THRB: variants seen among roughly 807,000 people sequenced by gnomAD.
THRB encodes the protein thyroid hormone receptor beta.
A neutral mutation model predicts 47.8 loss-of-function variants in THRB; 12 were observed. The observed-to-expected ratio is 0.25, with a 90% CI of 0.16 to 0.41. The LOEUF (loss-of-function observed/expected upper bound fraction) is 0.41. THRB is among the 10% of genes least tolerant of loss of function. The pLI is 1.00. For synonymous variants in THRB, 218 were observed against 212.2 expected (o/e 1.03, Z -0.24); for missense variants, 348 against 589.2 (o/e 0.59, Z 4.24).
chr3:24,436,658 T>C (rs2070987655), intron 1 of THRB, among the ~76,000 whole-genome samples: 1 of 152,178 alleles, frequency 6.6e-6, no homozygotes, highest in Non-Finnish European at 1.5e-5. Flanking sequence ...GCACTGCCCT[T>C]GAACATAGAT....
chr3:24,265,170 G>A (rs1477363128), intron 3 of THRB, among the ~76,000 whole-genome samples: 1 of 152,046 alleles, frequency 6.6e-6, no homozygotes, highest in Non-Finnish European at 1.5e-5. Context: ...GTCTACTTGG[G>A]GGACAGAAAG....
chr3:24,241,030 G>A lies in THRB; in HGVS notation c.-42-12029C>T, dbSNP rs1434498632. 2.6e-5 allele frequency among the ~76,000 whole-genome samples: 4 copies of A among 152,130 alleles called. No homozygotes were observed. In the East Asian group the frequency reaches 7.7e-4, roughly 29 times the overall value. On this transcript the variant is annotated intron_variant, in intron 3 of 10. Coordinates refer to ENST00000646209, the MANE Select transcript of THRB (RefSeq NM_001354712.2). ...ACGTCCAGCTGTGTTGGTGGACTGT[G>A]CCCACTGAGGGCCACTTGCATTTTA...
intron 4 of THRB, among the ~76,000 whole-genome samples, chr3:24,224,851 T>A (rs1276032718): frequency 1.3e-5 from 2 of 152,210 alleles, no homozygotes; most frequent in African/African-American, 4.8e-5. Context: ...GATAAGGAAT[T>A]CAAGATCTAG....
At chr3:24,273,519 A>G (rs146667373) in intron 3 of THRB, among the ~76,000 whole-genome samples, 1 of 152,324 alleles carries the variant, frequency 6.6e-6, no homozygotes, top group African/African-American at 2.4e-5. Context: ...ATGAGAAGAA[A>G]AAGGGCAATG....
chr3:24,176,430 CTAA>C (rs2041161677), intron 5 of THRB, among the ~76,000 whole-genome samples: 1 of 152,060 alleles, frequency 6.6e-6, no homozygotes, highest in Non-Finnish European at 1.5e-5. Context: ...ACAAATTTCC[CTAA>C]TAATAGGAAT....
Position 24,120,947 on chromosome 3 carries a change from T to C in THRB, c.*1937A>G, listed in dbSNP as rs1200783630. Reference sequence around the variant, plus strand: ...CCCGCTCCCAGATAATTTCCAATCATACTTGGAATTTTCAGTGCTGTTCCT... The same window carrying C: ...CCCGCTCCCAGATAATTTCCAATCACACTTGGAATTTTCAGTGCTGTTCCT... On this transcript the variant is annotated 3_prime_UTR_variant, in exon 11 of 11. Coordinates refer to ENST00000646209, the MANE Select transcript of THRB (RefSeq NM_001354712.2). 6.6e-6 allele frequency: 1 copy of C among 152,220 alleles called. No individual in the cohort carries two copies. The highest frequency in any genetic ancestry group is 2.4e-5 in the African/African-American group (1 of 41,464). The allele number at this position is 152,220 out of a possible 1,614,324, so 9.4% of individuals were successfully genotyped here.
intron 1 of THRB, among the ~76,000 whole-genome samples, chr3:24,441,578 G>A (rs1422876832): frequency 6.6e-6 from 1 of 152,212 alleles, no homozygotes; most frequent in Non-Finnish European, 1.5e-5. Flanking sequence ...CATGGCACTT[G>A]GAGAGAGTAT....
Position 24,202,458 on chromosome 3 carries a change from C to T in THRB, c.23-12124G>A, listed in dbSNP as rs149973160. Among the ~76,000 whole-genome samples the T allele has an allele frequency of 2.0e-3, 307 of 152,164 alleles. 1 individual carries two copies. The highest frequency in any genetic ancestry group is 6.9e-3 in the African/African-American group (287 of 41,496). On this transcript the variant is annotated intron_variant, in intron 4 of 10. Coordinates refer to ENST00000646209, the MANE Select transcript of THRB (RefSeq NM_001354712.2). The stretch of plus-strand genomic sequence containing the variant: ...CTGTGCAAGGAAGCATTCTGTTTCC[C>T]ATACTGGTTGCTGATGATGATTTTT...
intron 1 of THRB, among the ~76,000 whole-genome samples, chr3:24,377,181 G>C (rs2065354998): frequency 6.6e-6 from 1 of 152,116 alleles, no homozygotes; most frequent in South Asian, 2.1e-4. Context: ...CTGGGCTCAA[G>C]TGATCCTCCT....
intron 1 of THRB, among the ~76,000 whole-genome samples, chr3:24,344,361 T>A (rs2062869879): frequency 6.6e-6 from 1 of 152,088 alleles, no homozygotes; most frequent in African/African-American, 2.4e-5. Flanking sequence ...TGAAAAGACA[T>A]GTAATTTCAA....
intron 1 of THRB, among the ~76,000 whole-genome samples, chr3:24,342,855 C>T (rs756722495): frequency 4.6e-5 from 7 of 152,024 alleles, no homozygotes; most frequent in Admixed American, 1.3e-4. Flanking sequence ...ACTATAGGAG[C>T]GAAGTGCAGG....
At chr3:24,386,685 G>A (rs939114509) in intron 1 of THRB, among the ~76,000 whole-genome samples, 7 of 152,022 alleles carry the variant, frequency 4.6e-5, no homozygotes, top group Non-Finnish European at 7.4e-5. Context: ...TTTCAACATC[G>A]ATTTCAAGTG....
In THRB at chr3:24,125,888, AT is replaced by A. The variant is rs1174334928; in HGVS notation, c.1144+1610del. Among the ~76,000 whole-genome samples the A allele has an allele frequency of 3.3e-5, 5 of 152,268 alleles. No homozygotes were observed. The East Asian group carries it at 9.7e-4, about 29-fold the overall frequency. The stretch of plus-strand genomic sequence containing the variant: ...TCCTGCACACACTGAAGGACAGGAG[AT>A]TATCCAAGGTGTGAACATTAGGAGG... On this transcript the variant is annotated intron_variant, in intron 10 of 10. Transcript: ENST00000646209.
At chr3:24,488,180 T>G (rs1251936756) in intron 1 of THRB, among the ~76,000 whole-genome samples, 2 of 152,232 alleles carry the variant, frequency 1.3e-5, no homozygotes, top group Non-Finnish European at 2.9e-5. Context: ...TTGTCCACAC[T>G]TTTGTTTTAA....
intron 3 of THRB, among the ~76,000 whole-genome samples, chr3:24,267,188 A>G (rs1285411194): frequency 6.6e-6 from 1 of 151,488 alleles, no homozygotes; most frequent in Admixed American, 6.6e-5. Context: ...TAAAGCTAAC[A>G]TAATGACAAG....
chr3:24,146,279 T>C (rs987843823), intron 7 of THRB, among the ~76,000 whole-genome samples: 3 of 152,340 alleles, frequency 2.0e-5, no homozygotes, highest in African/African-American at 7.2e-5. Flanking sequence ...TCCCTGAGGC[T>C]CTACCCCATG....
chr3:24,269,322 C>CTTAA (rs2053013235), intron 3 of THRB, among the ~76,000 whole-genome samples: 1 of 125,684 alleles, frequency 8.0e-6, no homozygotes, highest in African/African-American at 3.0e-5. Context: ...CACACACACA[C>CTTAA]GTTATCTTTG....
At chr3:24,214,427 T>C (rs17014341) in intron 4 of THRB, among the ~76,000 whole-genome samples, 5,101 of 152,116 alleles carry the variant, frequency 0.034, 111 homozygotes, top group South Asian at 0.077. Context: ...GAGGAAAAAA[T>C]AGGCAGGCTA....
At chr3:24,215,684 C>A (rs1333075859) in intron 4 of THRB, among the ~76,000 whole-genome samples, 2 of 152,222 alleles carry the variant, frequency 1.3e-5, no homozygotes, top group Non-Finnish European at 2.9e-5. Context: ...ACTTCCTGGG[C>A]ACACAGCTAG....
Sources: gnomAD v4.1 joint callset for allele counts (sites outside exome capture counted in the v4.1 genomes callset) on GRCh38, gnomAD v4.1.1 for gene constraint, MANE v1.5 for transcripts, NCBI Gene and HGNC (gene_info 2026-07-23, HGNC 2026-07-21) for gene names.